TGFBRAP1: variants seen among roughly 807,000 people sequenced by gnomAD.
TGFBRAP1 encodes the protein transforming growth factor beta receptor associated protein 1, also known as transforming growth factor-beta receptor-associated protein 1.
In TGFBRAP1, 20 loss-of-function variants were observed where a neutral mutation model predicts 83.2. That is an observed-to-expected ratio of 0.24 (90% CI 0.17 to 0.35). The LOEUF (loss-of-function observed/expected upper bound fraction) is 0.35, where lower values mean the gene tolerates loss of function less well. TGFBRAP1 is among the 10% of genes least tolerant of loss of function. TGFBRAP1 has a pLI of 1.00. For missense variants in TGFBRAP1, 950 were observed against 1,099.4 expected, an observed-to-expected ratio of 0.86 and a Z score of 1.92; for synonymous variants, 415 against 459.8, an observed-to-expected ratio of 0.90 and a Z score of 1.25.
At chr2:105,322,994 T>C (rs1679112296) in intron 1 of TGFBRAP1, among the ~76,000 whole-genome samples, 1 of 152,022 alleles carries the variant, frequency 6.6e-6, no homozygotes, top group South Asian at 2.1e-4. Flanking sequence ...TGCCATATAA[T>C]TAGGAGAGAA....
chr2:105,305,360 C>T (rs969273156), intron 2 of TGFBRAP1, among the ~76,000 whole-genome samples: 7 of 152,198 alleles, frequency 4.6e-5, no homozygotes, highest in African/African-American at 1.4e-4. Context: ...AAAAGGAATG[C>T]GCTCTCACCA....
At chr2:105,285,484 T>A (rs1018180710) in intron 4 of TGFBRAP1, among the ~76,000 whole-genome samples, 1 of 152,240 alleles carries the variant, frequency 6.6e-6, no homozygotes, top group African/African-American at 2.4e-5. Flanking sequence ...TGTTGGACCA[T>A]GATTTAAAAC....
Position 105,267,273 on chromosome 2 carries a change from G to C in TGFBRAP1, c.*110C>G. The C allele has an allele frequency of 7.0e-7, 1 of 1,433,208 alleles. No individual in the cohort carries two copies. The highest frequency in any genetic ancestry group is 9.4e-7 in the Non-Finnish European group (1 of 1,067,236). The allele number at this position is 1,433,208 out of a possible 1,614,324, so 88.8% of individuals were successfully genotyped here. A position where few individuals can be genotyped will look rare whatever the true frequency, so the allele number is the denominator to read the frequency against. On this transcript the variant is annotated 3_prime_UTR_variant, in exon 12 of 12. Coordinates refer to ENST00000393359, the MANE Select transcript of TGFBRAP1 (RefSeq NM_004257.6). The stretch of plus-strand genomic sequence containing the variant: ...TGGACGGAAGGCTCCCTGGCACCCA[G>C]ATGTCTCCCTTCGTCCTGGCTGACA...
chr2:105,284,494 T>C (rs112350121), intron 4 of TGFBRAP1, 96 bp from the exon 5 acceptor site: 62 of 1,090,072 alleles, frequency 5.7e-5, no homozygotes, highest in Admixed American at 1.3e-4. Context: ...CGTTATAACA[T>C]AGAAATGTAA....
chr2:105,276,414 C>G (rs925124205), intron 7 of TGFBRAP1, among the ~76,000 whole-genome samples: 4 of 152,156 alleles, frequency 2.6e-5, no homozygotes, highest in African/African-American at 9.7e-5. Flanking sequence ...CAGCACCACC[C>G]CTCCAAGCCA....
At chr2:105,257,166 T>C in the TGFBRAP1 span, among the ~76,000 whole-genome samples, 1 of 152,234 alleles carries the variant, frequency 6.6e-6, no homozygotes, top group Non-Finnish European at 1.5e-5. Flanking sequence ...GGACTCGCCC[T>C]GAATTATTTC....
intron 7 of TGFBRAP1, among the ~76,000 whole-genome samples, chr2:105,276,802 T>C (rs1469348338): frequency 6.6e-6 from 1 of 152,220 alleles, no homozygotes; most frequent in Admixed American, 6.5e-5. Context: ...TGTTCTGCTC[T>C]GCAATCAGGT....
At chr2:105,273,422 C>A in intron 9 of TGFBRAP1, 122 bp downstream of exon 9, 2 of 1,371,210 alleles carry the variant, frequency 1.5e-6, no homozygotes, top group South Asian at 1.5e-5. Context: ...ATCAGACCAT[C>A]AACAAGTACG....
At chr2:105,253,475 A>C in the TGFBRAP1 span, among the ~76,000 whole-genome samples, 2 of 151,988 alleles carry the variant, frequency 1.3e-5, no homozygotes, top group African/African-American at 4.8e-5. Flanking sequence ...TCTTCCTCCC[A>C]GGCTGGAATA....
chr2:105,297,437 C>G (rs928947792), intron 3 of TGFBRAP1, among the ~76,000 whole-genome samples: 4 of 152,218 alleles, frequency 2.6e-5, no homozygotes, highest in South Asian at 2.1e-4. Flanking sequence ...CAACACTGCT[C>G]TGTGTGTGAC....
chr2:105,313,519 GT>G (rs1678757652), intron 1 of TGFBRAP1, among the ~76,000 whole-genome samples: 1 of 152,074 alleles, frequency 6.6e-6, no homozygotes, highest in Non-Finnish European at 1.5e-5. Flanking sequence ...CATAATAAAT[GT>G]TTCTAAGGAT....
chr2:105,252,761 T>C, the TGFBRAP1 span, among the ~76,000 whole-genome samples: 93 of 148,872 alleles, frequency 6.2e-4, no homozygotes, highest in African/African-American at 2.1e-3. Flanking sequence ...CTTTTTTTTT[T>C]TTTTTTTTTG....
At chr2:105,291,569 A>G (rs116333402) in intron 4 of TGFBRAP1, among the ~76,000 whole-genome samples, 203 of 152,334 alleles carry the variant, frequency 1.3e-3, no homozygotes, top group African/African-American at 4.7e-3. Context: ...GTAGGTACAT[A>G]CAATGGAATA....
At chr2:105,310,925 G>A (rs1472482138) in intron 1 of TGFBRAP1, among the ~76,000 whole-genome samples, 1 of 152,008 alleles carries the variant, frequency 6.6e-6, no homozygotes, top group Non-Finnish European at 1.5e-5. Context: ...GTCTCCCTTT[G>A]CGGAAGGAAT....
intron 9 of TGFBRAP1, 114 bp from the exon 10 acceptor site, chr2:105,273,128 C>T: frequency 1.5e-6 from 2 of 1,319,196 alleles, no homozygotes; most frequent in Non-Finnish European, 2.1e-6. Context: ...ATGAGCTGGG[C>T]AGATGCTCAC....
At chr2:105,294,475 A>G (rs1482336386) in intron 4 of TGFBRAP1, among the ~76,000 whole-genome samples, 3 of 152,172 alleles carry the variant, frequency 2.0e-5, no homozygotes, top group Admixed American at 2.0e-4. Context: ...ATTTCCATAT[A>G]GTTGCATGGA....
At position 105,280,528 on chromosome 2, in the gene TGFBRAP1, C is replaced by T. The variant is rs199942002; in HGVS notation, c.1317G>A (p.Glu439=). ...TGTCCTCCTTGTAGCCATTTGCTAC[C>T]TCTGTGCTGCGGACCTCGTTCAGGT... is the stretch of plus-strand genomic sequence containing the variant. ...MSYLNEVRST[E]VANGYKEDID... is the part of the protein sequence containing the mutation. Residue 439 remains glutamate (E), a synonymous_variant, in exon 6 of 12, where the codon GAG becomes GAA. Transcript: ENST00000393359. The T allele has an allele frequency of 1.9e-6, 3 of 1,614,192 alleles. No homozygotes were observed. Among genetic ancestry groups the T allele is most frequent in the Non-Finnish European group, 2.5e-6 (3 of 1,180,040 alleles).
intron 1 of TGFBRAP1, among the ~76,000 whole-genome samples, chr2:105,309,404 C>T (rs1009177760): frequency 6.6e-6 from 1 of 152,196 alleles, no homozygotes; most frequent in Non-Finnish European, 1.5e-5. Context: ...CTCAAGTTGT[C>T]TGAACATGGA....
intron 6 of TGFBRAP1, among the ~76,000 whole-genome samples, chr2:105,279,209 C>T (rs1247915845): frequency 6.6e-6 from 1 of 152,160 alleles, no homozygotes; most frequent in African/African-American, 2.4e-5. Context: ...TATGCATTAA[C>T]AGTCCATGAT....
Sources: gnomAD v4.1 joint callset for allele counts (sites outside exome capture counted in the v4.1 genomes callset) on GRCh38, gnomAD v4.1.1 for gene constraint, MANE v1.5 for transcripts, NCBI Gene and HGNC (gene_info 2026-07-23, HGNC 2026-07-21) for gene names.